Variants in ATP1A2 observed in about 807,000 individuals in gnomAD.
ATP1A2 encodes the protein ATPase Na+/K+ transporting subunit alpha 2, also known as sodium/potassium-transporting ATPase subunit alpha-2.
Under a neutral mutation model 113.1 loss-of-function variants are expected in ATP1A2, and 56 were observed. That is an observed-to-expected ratio of 0.49 (90% CI 0.40 to 0.62). The LOEUF (loss-of-function observed/expected upper bound fraction) is 0.62. Ranked by LOEUF, ATP1A2 falls within the 20% of genes least tolerant of loss-of-function variation. The pLI is 0.00. For missense variants in ATP1A2, 712 were observed against 1,357.8 expected, an observed-to-expected ratio of 0.52 and a Z score of 7.47; for synonymous variants, 490 against 526.8, an observed-to-expected ratio of 0.93 and a Z score of 0.96.
chr1:160,127,695 G>C lies in ATP1A2; in HGVS notation c.892G>C (p.Val298Leu), dbSNP rs757867108. The C allele has an allele frequency of 2.4e-5, 38 of 1,614,138 alleles. No homozygotes were observed. The highest frequency in any genetic ancestry group is 3.1e-5 in the Non-Finnish European group (37 of 1,180,056). Residue 298 changes from valine (V) to leucine (L), a missense_variant, in exon 8 of 23, where the codon GTA (valine) becomes CTA (leucine). Val to Leu is a conservative substitution (Grantham distance 32). Transcript: ENST00000361216. ...CATCCAGCTGATCACAGGGGTCGCT[G>C]TATTCCTGGGGGTCTCCTTCTTCGT... The part of the protein sequence containing the change: ...HFIQLITGVA[V>L]FLGVSFFVLS...
At chr1:160,130,637 C>T (rs751634903) in intron 13 of ATP1A2, 40 bp downstream of exon 13, 5 of 1,613,414 alleles carry the variant, frequency 3.1e-6, no homozygotes, top group African/African-American at 1.3e-5. Flanking sequence ...TAGCCTCCCC[C>T]ATGCCAGAGT....
In ATP1A2 at chr1:160,135,337, G is replaced by C; in HGVS notation, c.2115+42G>C. 1 of 1,614,180 alleles carries C rather than the reference G, an allele frequency of 6.2e-7. No individual in the cohort carries two copies. Among genetic ancestry groups the C allele is most frequent in the Non-Finnish European group, 8.5e-7 (1 of 1,180,018 alleles). Reference sequence around the variant, plus strand: ...GAGGCAGATGACAGGCAGGGACCGGGGAGGCAGGGACAGGGCCAAGACAAG... The same window carrying C: ...GAGGCAGATGACAGGCAGGGACCGGCGAGGCAGGGACAGGGCCAAGACAAG... On this transcript the variant is annotated intron_variant, in intron 15 of 22. Transcript: ENST00000361216. The surrounding 1 kb of genome is among the most constrained non-coding windows in gnomAD (Gnocchi z 6.3).
intron 7 of ATP1A2, among the ~76,000 whole-genome samples, chr1:160,127,309 A>C (rs1307683771): frequency 6.6e-6 from 1 of 152,204 alleles, no homozygotes; most frequent in Non-Finnish European, 1.5e-5. Context: ...CTTTGAGATT[A>C]TTTGCAAGCT....
In ATP1A2 at chr1:160,123,182, C is replaced by T. The variant is rs372532104; in HGVS notation, c.178-31C>T. The T allele has an allele frequency of 6.8e-6, 11 of 1,612,314 alleles. No homozygotes were observed. In the East Asian group the frequency reaches 1.1e-4, roughly 16 times the overall value. On this transcript the variant is annotated intron_variant, in intron 3 of 22. Coordinates refer to ENST00000361216, the MANE Select transcript of ATP1A2 (RefSeq NM_000702.4). ...TGACTGGCTGGGTTGGCTCCGGATG[C>T]GTGCCCCTACGCCTCTCCTTGCTCC...
At position 160,142,500 on chromosome 1, in the gene ATP1A2, G is replaced by A. The variant is rs1652183128; in HGVS notation, c.*1178G>A. On this transcript the variant is annotated 3_prime_UTR_variant, in exon 23 of 23. Coordinates refer to ENST00000361216, the MANE Select transcript of ATP1A2 (RefSeq NM_000702.4). The stretch of plus-strand genomic sequence containing the variant: ...CATGGTCAGAACCTTTGGACAAGAG[G>A]AAAAATACTAAGAGATTTGCTTTTT... The A allele has an allele frequency of 6.6e-6, 1 of 152,222 alleles. No homozygotes were observed. Among genetic ancestry groups the A allele is most frequent in the Non-Finnish European group, 1.5e-5 (1 of 68,104 alleles). 9.4% of individuals were successfully genotyped at this position (152,222 alleles called of 1,614,324 possible).
chr1:160,132,999 C>T (rs1393529430), intron 13 of ATP1A2, among the ~76,000 whole-genome samples: 1 of 152,066 alleles, frequency 6.6e-6, no homozygotes, highest in Non-Finnish European at 1.5e-5. Flanking sequence ...CAGGAATCAT[C>T]TCTGCATTGT....
chr1:160,133,265 T>TGCCTCA (rs2101992929), intron 13 of ATP1A2, among the ~76,000 whole-genome samples: 1 of 152,148 alleles, frequency 6.6e-6, no homozygotes, highest in East Asian at 1.9e-4. Flanking sequence ...TCAAGTAGGA[T>TGCCTCA]GAGGACGGCA....
intron 1 of ATP1A2, among the ~76,000 whole-genome samples, chr1:160,119,131 G>A (rs920469869): frequency 6.6e-6 from 1 of 151,720 alleles, no homozygotes; most frequent in African/African-American, 2.4e-5. Context: ...GTGCATGTGT[G>A]GGGGCAGGAG....
intron 20 of ATP1A2, among the ~76,000 whole-genome samples, chr1:160,137,798 G>A (rs10494336): frequency 0.14 from 20,155 of 145,076 alleles, 1,432 homozygotes; most frequent in South Asian, 0.28. Context: ...CTCACATGAG[G>A]TTGTTACAGT....
At chr1:160,123,119 A>G in intron 3 of ATP1A2, 94 bp from the exon 4 acceptor site, 1 of 1,435,122 alleles carries the variant, frequency 7.0e-7, no homozygotes, top group South Asian at 1.2e-5. Context: ...CCTTCTGGGC[A>G]TTCTTCCCAT....
chr1:160,130,891 T>C (rs936327244), intron 13 of ATP1A2, among the ~76,000 whole-genome samples: 2 of 152,150 alleles, frequency 1.3e-5, no homozygotes, highest in Non-Finnish European at 1.5e-5. Flanking sequence ...AATCTGGCAC[T>C]CCTATCTTGA....
rs1210388068 is a variant in ATP1A2 at position 160,123,214 on chromosome 1, G to A, written c.179G>A (p.Gly60Asp). ...CTACGCCTCTCCTTGCTCCCTCAGG[G>A]CCTCACCAACCAGCGGGCTCAGGAC... ...GRKYQVDLSKGLTNQRAQDVL... is the reference protein window; with the variant it reads ...GRKYQVDLSKDLTNQRAQDVL... The change falls in exon 4 of 23, where the codon GGC becomes GAC. Residue 60 changes from glycine (G) to aspartate (D), a missense_variant and splice_region_variant. Gly to Asp is a moderately conservative substitution (Grantham distance 94, BLOSUM62 -1). This residue lies in a region of ATP1A2 where 109 missense variants were observed against 162.3 expected (regional missense o/e 0.67). Transcript: ENST00000361216. 2 of 1,613,988 alleles carry A rather than the reference G, an allele frequency of 1.2e-6. No individual in the cohort carries two copies. The highest frequency in any genetic ancestry group is 1.1e-5 in the South Asian group (1 of 91,084).
At position 160,124,282 on chromosome 1, in the gene ATP1A2, G is replaced by T. The variant is rs529912799; in HGVS notation, c.496-14G>T. ...GAGACAAGCATTTCATGAGCTGCCT[G>T]TGGCTCCCCACAGCAAGCCCTTGTG... On this transcript the variant is annotated splice_polypyrimidine_tract_variant and intron_variant, in intron 5 of 22. Transcript: ENST00000361216. The T allele has an allele frequency of 4.4e-6, 7 of 1,592,590 alleles. No individual in the cohort carries two copies. Among genetic ancestry groups the T allele is most frequent in the Admixed American group, 1.8e-5 (1 of 56,904 alleles).
At chr1:160,133,005 A>C (rs115172020) in intron 13 of ATP1A2, among the ~76,000 whole-genome samples, 57 of 151,948 alleles carry the variant, frequency 3.8e-4, no homozygotes, top group African/African-American at 1.3e-3. Flanking sequence ...TCATCTCTGC[A>C]TTGTGCTGAG....
chr1:160,139,331 A>G (rs1652058715), intron 20 of ATP1A2, among the ~76,000 whole-genome samples: 1 of 152,192 alleles, frequency 6.6e-6, no homozygotes, highest in Admixed American at 6.5e-5. Flanking sequence ...CAATAACAAG[A>G]TCATGAGACA....
intron 22 of ATP1A2, chr1:160,140,678 G>C (rs975569452): frequency 1.2e-5 from 2 of 165,116 alleles, no homozygotes; most frequent in African/African-American, 4.8e-5. Flanking sequence ...TTAGACTCTC[G>C]TTCGTCACCT....
At chr1:160,140,975 G>T (rs994833319) in intron 22 of ATP1A2, among the ~76,000 whole-genome samples, 1 of 144,424 alleles carries the variant, frequency 6.9e-6, no homozygotes, top group Non-Finnish European at 1.5e-5. Context: ...CAATTCTCTT[G>T]CCTCAGCCTC....
intron 13 of ATP1A2, 46 bp from the exon 14 acceptor site, chr1:160,134,438 A>G: frequency 6.2e-7 from 1 of 1,613,896 alleles, no homozygotes; most frequent in Non-Finnish European, 8.5e-7. Context: ...GGAGGGGGAT[A>G]AACCCTTAAT....
At chr1:160,121,960 C>T (rs1651413785) in intron 3 of ATP1A2, among the ~76,000 whole-genome samples, 1 of 152,176 alleles carries the variant, frequency 6.6e-6, no homozygotes, top group South Asian at 2.1e-4. Context: ...GGCAAAACCC[C>T]ATCTCCACTA....
Sources: gnomAD v4.1 joint callset for allele counts (sites outside exome capture counted in the v4.1 genomes callset) on GRCh38, gnomAD v4.1.1 for gene constraint, gnomAD v4.1.1 regional missense constraint, Gnocchi (gnomAD v3.1) non-coding constraint, MANE v1.5 for transcripts, NCBI Gene and HGNC (gene_info 2026-07-23, HGNC 2026-07-21) for gene names.